The following CDIN1 variants were observed in gnomAD, a reference collection of about 807,000 sequenced individuals.
The protein encoded by CDIN1 is CDAN1-interacting nuclease 1.
Under a neutral mutation model 45.3 loss-of-function variants are expected in CDIN1, and 33 were observed. The ratio of observed to expected loss-of-function variants is 0.73; its 90% CI spans 0.55 to 0.97. CDIN1 has a LOEUF of 0.97. Among genes scored for constraint, CDIN1 ranks in the 50% least tolerant of loss-of-function variants. The pLI is 0.00. For missense variants in CDIN1, 303 were observed against 339.4 expected, an observed-to-expected ratio of 0.89 and a Z score of 0.84; for synonymous variants, 118 against 124.4, an observed-to-expected ratio of 0.95 and a Z score of 0.34.
At position 36,808,853 on chromosome 15, in the gene CDIN1, G is replaced by T; in HGVS notation, c.*400G>T. The T allele has an allele frequency of 2.2e-6, 1 of 448,154 alleles. No homozygotes were observed. The allele number at this position is 448,154 out of a possible 1,614,324, so 27.8% of individuals were successfully genotyped here. ...CACCCTCTTATTTTTTTTTCCCTAA[G>T]CCTCCGTTCACTGTCTCTCCCTCTC... On this transcript the variant is annotated 3_prime_UTR_variant, in exon 11 of 11. Transcript: ENST00000566621.
At chr15:36,659,009 ATC>A (rs2040886701) in intron 5 of CDIN1, among the ~76,000 whole-genome samples, 5 of 152,210 alleles carry the variant, frequency 3.3e-5, no homozygotes, top group Admixed American at 3.3e-4. Context: ...TTTCGATTTA[ATC>A]AAGAAAGAGA....
chr15:36,688,720 G>A (rs1469774289), intron 5 of CDIN1, among the ~76,000 whole-genome samples: 1 of 152,146 alleles, frequency 6.6e-6, no homozygotes, highest in African/African-American at 2.4e-5. Context: ...CTTAGCTCTG[G>A]CCATGACAAG....
chr15:36,690,156 C>G lies in CDIN1; in HGVS notation c.347-1529C>G, dbSNP rs116088156. Among the ~76,000 whole-genome samples, 1,061 of 152,298 alleles carry G rather than the reference C, an allele frequency of 7.0e-3. 14 individuals carry two copies. Among genetic ancestry groups the G allele is most frequent in the African/African-American group, 0.024 (993 of 41,552 alleles). The stretch of plus-strand genomic sequence containing the variant: ...TATAAGCATGTAGTTATATGACTAA[C>G]AGTGGGCAGTAATTAAAATAATCAT... On this transcript the variant is annotated intron_variant, in intron 5 of 10. Transcript: ENST00000566621.
intron 7 of CDIN1, among the ~76,000 whole-genome samples, chr15:36,693,092 G>A (rs1445682877): frequency 1.3e-5 from 2 of 152,082 alleles, no homozygotes; most frequent in Non-Finnish European, 2.9e-5. Flanking sequence ...GAGGCTTTTT[G>A]TTGGAAACTC....
chr15:36,579,997 C>T (rs1265457793), intron 1 of CDIN1, 36 bp downstream of exon 1: 3 of 1,581,394 alleles, frequency 1.9e-6, no homozygotes, highest in Non-Finnish European at 2.6e-6. Flanking sequence ...CAGCCCTTTG[C>T]CTGCAGCAGC....
At chr15:36,617,961 G>A in intron 1 of CDIN1, 1 of 765,288 alleles carries the variant, frequency 1.3e-6, no homozygotes, top group Non-Finnish European at 2.4e-6. Context: ...AGTATCTATA[G>A]TCAGCCCATT....
At chr15:36,636,925 TGAATCAA>T (rs1224732199) in intron 1 of CDIN1, among the ~76,000 whole-genome samples, 1 of 152,206 alleles carries the variant, frequency 6.6e-6, no homozygotes, top group African/African-American at 2.4e-5. Flanking sequence ...GAATAAACAT[TGAATCAA>T]TTGAAAAGTA....
chr15:36,596,673 A>G (rs2140212607), intron 1 of CDIN1, among the ~76,000 whole-genome samples: 1 of 152,278 alleles, frequency 6.6e-6, no homozygotes, highest in East Asian at 1.9e-4. Flanking sequence ...CAAAGTGTGT[A>G]GATTCATTCT....
chr15:36,728,559 T>C (rs2043724562), intron 10 of CDIN1, among the ~76,000 whole-genome samples: 1 of 152,056 alleles, frequency 6.6e-6, no homozygotes, highest in Admixed American at 6.6e-5. Flanking sequence ...CCTTTTTTTT[T>C]TTTTTTTTAA....
chr15:36,762,302 A>G (rs983508645), intron 10 of CDIN1, among the ~76,000 whole-genome samples: 1 of 152,108 alleles, frequency 6.6e-6, no homozygotes, highest in South Asian at 2.1e-4. Flanking sequence ...TCCCTGAGAA[A>G]AGCTTCTTGA....
chr15:36,719,044 T>G (rs2043316217), intron 10 of CDIN1, among the ~76,000 whole-genome samples: 1 of 151,480 alleles, frequency 6.6e-6, no homozygotes, highest in Non-Finnish European at 1.5e-5. Context: ...GGCAACATAG[T>G]GAGACCCTGT....
chr15:36,776,865 C>A (rs1337336726), intron 10 of CDIN1, among the ~76,000 whole-genome samples: 1 of 151,976 alleles, frequency 6.6e-6, no homozygotes, highest in African/African-American at 2.4e-5. Context: ...CCATTTTGAA[C>A]GTTTTCTAAA....
rs1348341977 is a variant in CDIN1 at position 36,765,181 on chromosome 15, T to TA, written c.717-43142dup. 5.3e-5 allele frequency among the ~76,000 whole-genome samples: 8 copies of TA among 151,326 alleles called. No individual in the cohort carries two copies. The East Asian group carries it at 1.6e-3, about 30-fold the overall frequency. The stretch of plus-strand genomic sequence containing the variant: ...AGAGATTCTCCTGTCTCAGCCTTCC[T>TA]ATTAGCTGGGGTAACAGGCTCCTGC... On this transcript the variant is annotated intron_variant, in intron 10 of 10. Coordinates refer to ENST00000566621, the MANE Select transcript of CDIN1 (RefSeq NM_001321759.2).
At chr15:36,618,444 T>C in intron 1 of CDIN1, 1 of 875,016 alleles carries the variant, frequency 1.1e-6, no homozygotes, top group Non-Finnish European at 2.0e-6. Flanking sequence ...AGGTCGAAGA[T>C]GACGACAAGA....
At chr15:36,664,513 A>C (rs1405680406) in intron 5 of CDIN1, among the ~76,000 whole-genome samples, 2 of 152,080 alleles carry the variant, frequency 1.3e-5, no homozygotes, top group Non-Finnish European at 2.9e-5. Flanking sequence ...CTAGAGGGTA[A>C]TGCTTCCAAC....
chr15:36,702,299 T>C (rs767755305), intron 8 of CDIN1, among the ~76,000 whole-genome samples: 4 of 152,302 alleles, frequency 2.6e-5, no homozygotes, highest in South Asian at 4.2e-4. Flanking sequence ...GAGATTGTCA[T>C]GGTGAGAGAC....
chr15:36,743,962 T>G (rs568481454), intron 10 of CDIN1, among the ~76,000 whole-genome samples: 1 of 140,956 alleles, frequency 7.1e-6, no homozygotes, highest in South Asian at 2.3e-4. Context: ...TTCTTCATTC[T>G]AAAGACATTT....
chr15:36,662,818 C>G, intron 5 of CDIN1, among the ~76,000 whole-genome samples: 1 of 145,584 alleles, frequency 6.9e-6, no homozygotes, highest in Non-Finnish European at 1.5e-5. Context: ...TATCCCTTAT[C>G]TGAAATGTCT....
At chr15:36,780,436 T>C (rs1227176346) in intron 10 of CDIN1, among the ~76,000 whole-genome samples, 1 of 152,180 alleles carries the variant, frequency 6.6e-6, no homozygotes, top group East Asian at 1.9e-4. Flanking sequence ...TGTACTATAA[T>C]TGAATTAACT....
Sources: allele counts gnomAD v4.1 joint callset (sites outside exome capture counted in the v4.1 genomes callset), GRCh38; gene constraint gnomAD v4.1.1; transcripts MANE v1.5; gene names NCBI Gene and HGNC (gene_info 2026-07-23, HGNC 2026-07-21).